Variants in VSIG10L observed in about 807,000 individuals in gnomAD.
VSIG10L encodes V-set and immunoglobulin domain-containing protein 10-like.
VSIG10L carries 63 observed loss-of-function variants against 67.3 expected under a neutral mutation model. The ratio of observed to expected loss-of-function variants is 0.94; its 90% CI spans 0.76 to 1.15. The LOEUF (loss-of-function observed/expected upper bound fraction) is 1.15. VSIG10L is among the 50% of genes most tolerant of loss of function. VSIG10L has a pLI of 0.00. For synonymous variants in VSIG10L, 499 were observed against 524.9 expected, an observed-to-expected ratio of 0.95 and a Z score of 0.67; for missense variants, 1,050 against 1,177.5, an observed-to-expected ratio of 0.89 and a Z score of 1.58.
chr19:51,340,179 T>G lies in VSIG10L; in HGVS notation c.1310A>C (p.Asp437Ala). The change falls in exon 4 of 10, where the codon GAC becomes GCC. Residue 437 changes from aspartate to alanine, a missense_variant. Coordinates refer to ENST00000335624, the MANE Select transcript of VSIG10L (RefSeq NM_001163922.3). The surrounding 1 kb of genome is among the most constrained non-coding windows in gnomAD (Gnocchi z 6.3). ...CGGGTCCGCCAGGCTCCACGTGATG[T>G]CGGCGGGCGGCCGCGAGGCGGCGGC... ...RCAAASRPPA[D>A]ITWSLADPAE... The G allele has an allele frequency of 7.0e-7, 1 of 1,438,682 alleles. No homozygotes were observed. Among genetic ancestry groups the G allele is most frequent in the Non-Finnish European group, 9.1e-7 (1 of 1,101,448 alleles). 89.1% of individuals were successfully genotyped at this position (1,438,682 alleles called of 1,614,324 possible).
In VSIG10L at chr19:51,340,512, G is replaced by A; in HGVS notation, c.1110C>T (p.Arg370=). The part of the protein sequence containing the change: ...GDQLLIVRPV[R]SDHARYTCRV... ...GGCAAGTGTACCGGGCGTGGTCGCT[G>A]CGCACAGGGCGCACGATGAGCAGCT... The change falls in exon 3 of 10, where the codon CGC becomes CGT. Residue 370 remains arginine, a synonymous_variant. Transcript: ENST00000335624. This position sits in a 1 kb window ranked among gnomAD's most constrained non-coding sequence, Gnocchi z 6.3. The A allele has an allele frequency of 6.5e-7, 1 of 1,532,288 alleles. No homozygotes were observed. Among genetic ancestry groups the A allele is most frequent in the Non-Finnish European group, 8.7e-7 (1 of 1,143,770 alleles). The allele number at this position is 1,532,288 out of a possible 1,614,324, so 94.9% of individuals were successfully genotyped here. A position where few individuals can be genotyped will look rare whatever the true frequency, so the allele number is the denominator to read the frequency against.
chr19:51,334,345 C>T (rs1985433126), intron 7 of VSIG10L, 41 bp from the exon 8 acceptor site: 1 of 1,532,894 alleles, frequency 6.5e-7, no homozygotes, highest in African/African-American at 1.4e-5. Flanking sequence ...GGAACAGGAA[C>T]CAAGGTTGGA....
At chr19:51,336,868 G>A (rs1985493474) in intron 7 of VSIG10L, among the ~76,000 whole-genome samples, 1 of 149,784 alleles carries the variant, frequency 6.7e-6, no homozygotes, top group East Asian at 2.0e-4. Flanking sequence ...CCGGGTTCGC[G>A]CCATTCTCCT....
chr19:51,340,984 C>T lies in VSIG10L; in HGVS notation c.895+169G>A, dbSNP rs1599835283. ...CTCCCAGGAGTCTCCATCCCAGGTC[C>T]ACCTTTGCTCAGACACCCCTGCCTT... On this transcript the variant is annotated intron_variant, in intron 2 of 9. Transcript: ENST00000335624. This position sits in a 1 kb window ranked among gnomAD's most constrained non-coding sequence, Gnocchi z 6.3. 1.8e-6 allele frequency: 2 copies of T among 1,089,944 alleles called. No homozygotes were observed. The highest frequency in any genetic ancestry group is 2.5e-6 in the Non-Finnish European group (2 of 811,188). 67.5% of individuals were successfully genotyped at this position (1,089,944 alleles called of 1,614,324 possible). A position where few individuals can be genotyped will look rare whatever the true frequency, so the allele number is the denominator to read the frequency against.
rs1180285704 is a variant in VSIG10L, at chr19:51,338,061, C to G, written c.1877G>C (p.Ser626Thr). ...EGRPLAPGGGSRLRLSQDGRK... is the reference protein window; with the variant it reads ...EGRPLAPGGGTRLRLSQDGRK... ...CCCATCTTGACTGAGCCGCAGGCGACTCCCGCCTCCTGGAGCCAGGGGCCT... is the reference window on the plus strand; with the variant it reads ...CCCATCTTGACTGAGCCGCAGGCGAGTCCCGCCTCCTGGAGCCAGGGGCCT... The change falls in exon 6 of 10, where the codon AGT (serine) becomes ACT (threonine). Residue 626 changes from serine (S) to threonine (T), a missense_variant. Transcript: ENST00000335624. The G allele has an allele frequency of 1.9e-6, 3 of 1,551,642 alleles. No individual in the cohort carries two copies. The highest frequency in any genetic ancestry group is 2.6e-6 in the Non-Finnish European group (3 of 1,146,980).
chr19:51,337,585 A>G, intron 6 of VSIG10L, 51 bp from the exon 7 acceptor site: 1 of 955,372 alleles, frequency 1.0e-6, no homozygotes, highest in Non-Finnish European at 1.4e-6. Context: ...GGGGAGAGGG[A>G]AGGGGGCTGG....
At chr19:51,336,956 C>T (rs1985496959) in intron 7 of VSIG10L, among the ~76,000 whole-genome samples, 3 of 151,984 alleles carry the variant, frequency 2.0e-5, no homozygotes, top group South Asian at 4.1e-4. Context: ...TTAGTAGAGA[C>T]GGGGTTTCAC....
Position 51,340,753 on chromosome 19 carries a change from C to T in VSIG10L, c.896-27G>A. The T allele has an allele frequency of 6.9e-7, 1 of 1,452,906 alleles. No individual in the cohort carries two copies. Among genetic ancestry groups the T allele is most frequent in the Non-Finnish European group, 9.0e-7 (1 of 1,105,962 alleles). 90.0% of individuals were successfully genotyped at this position (1,452,906 alleles called of 1,614,324 possible). On this transcript the variant is annotated intron_variant, in intron 2 of 9. Coordinates refer to ENST00000335624, the MANE Select transcript of VSIG10L (RefSeq NM_001163922.3). This position sits in a 1 kb window ranked among gnomAD's most constrained non-coding sequence, Gnocchi z 6.3. Reference sequence around the variant, plus strand: ...TGGGAGAGGGAGAATGGGCTCAGGACCCACCCAGTCCTGGAGCCCATCTTT... The same window carrying T: ...TGGGAGAGGGAGAATGGGCTCAGGATCCACCCAGTCCTGGAGCCCATCTTT...
At chr19:51,339,388 C>T (rs1985568249) in intron 4 of VSIG10L, among the ~76,000 whole-genome samples, 1 of 152,266 alleles carries the variant, frequency 6.6e-6, no homozygotes, top group East Asian at 1.9e-4. Context: ...TATTTCTCTT[C>T]CCAAACGTAA....
chr19:51,341,069 C>A, intron 2 of VSIG10L, 84 bp downstream of exon 2: 3 of 1,432,070 alleles, frequency 2.1e-6, no homozygotes, highest in Non-Finnish European at 2.8e-6. Flanking sequence ...TATCCAGGGA[C>A]CCCACAGCAC....
At chr19:51,339,236 A>G (rs1370591289) in intron 4 of VSIG10L, 94 bp from the exon 5 acceptor site, 7 of 1,225,878 alleles carry the variant, frequency 5.7e-6, no homozygotes, top group Middle Eastern at 6.3e-4. Flanking sequence ...CTTCTTCACT[A>G]GCCCCACCCC....
In VSIG10L at chr19:51,338,274, A is replaced by G. The variant is rs538744025; in HGVS notation, c.1730-66T>C. On this transcript the variant is annotated intron_variant, in intron 5 of 9. Transcript: ENST00000335624. The stretch of plus-strand genomic sequence containing the variant: ...ACCTTGGATTCAAAGAACAGATCCT[A>G]TGCCCTACTTTAAATCAGATGGTGG... 448 of 1,428,884 alleles carry G rather than the reference A, an allele frequency of 3.1e-4. 1 individual carries two copies. The highest frequency in any genetic ancestry group is 3.9e-4 in the Non-Finnish European group (422 of 1,089,170). 88.5% of individuals were successfully genotyped at this position (1,428,884 alleles called of 1,614,324 possible). A position where few individuals can be genotyped will look rare whatever the true frequency, so the allele number is the denominator to read the frequency against.
At position 51,333,819 on chromosome 19, in the gene VSIG10L, T is replaced by C. The variant is rs1350182344; in HGVS notation, c.2546A>G (p.Glu849Gly). ...GTAGGCCCTAGTTGAGCTGTGGTCC[T>C]CCAGAGGGACTTTGAGGTCCAGAGG... Reference protein sequence around the residue: ...SWPLDLKVPLEDHSSTRAYQA... With the variant: ...SWPLDLKVPLGDHSSTRAYQA... The change falls in exon 9 of 10, where the codon GAG (glutamate) becomes GGG (glycine). Residue 849 changes from glutamate (E) to glycine (G), a missense_variant. Physicochemically the swap from Glu to Gly is moderately conservative, Grantham distance 98. Around this residue, in one of 3 missense-constraint regions of VSIG10L, gnomAD observed 529 missense variants for 584.9 expected, o/e 0.90. Coordinates refer to ENST00000335624, the MANE Select transcript of VSIG10L (RefSeq NM_001163922.3). 8 of 1,551,240 alleles carry C rather than the reference T, an allele frequency of 5.2e-6. No individual in the cohort carries two copies. The East Asian group carries it at 2.0e-4, about 38-fold the overall frequency.
At chr19:51,335,053 G>T (rs1985449744) in intron 7 of VSIG10L, among the ~76,000 whole-genome samples, 1 of 152,224 alleles carries the variant, frequency 6.6e-6, no homozygotes, top group Non-Finnish European at 1.5e-5. Context: ...ACAGAGACTT[G>T]AAGAATAAAG....
In VSIG10L at chr19:51,334,251, C is replaced by T; in HGVS notation, c.2359G>A (p.Gly787Ser). The T allele has an allele frequency of 1.3e-6, 2 of 1,551,750 alleles. No individual in the cohort carries two copies. Among genetic ancestry groups the T allele is most frequent in the Non-Finnish European group, 1.7e-6 (2 of 1,147,014 alleles). ...AGAAGTACGGCTAGCAGCGCCAGGC[C>T]CAGCAGGGAGCCCAGGACGATGCCA... ...IAGIVLGSLL[G>S]LALLAVLLLL... The change falls in exon 8 of 10, where the codon GGC (glycine) becomes AGC (serine). Residue 787 changes from glycine to serine, a missense_variant. Gly to Ser is a moderately conservative substitution (Grantham distance 56). Around this residue, in one of 3 missense-constraint regions of VSIG10L, gnomAD observed 529 missense variants for 584.9 expected, o/e 0.90. Coordinates refer to ENST00000335624, the MANE Select transcript of VSIG10L (RefSeq NM_001163922.3).
rs1985508543 is a variant in VSIG10L, at chr19:51,337,356, C to T, written c.2187G>A (p.Gln729=). The change falls in exon 7 of 10, where the codon CAG becomes CAA. Residue 729 remains glutamine (Q), a synonymous_variant. Coordinates refer to ENST00000335624, the MANE Select transcript of VSIG10L (RefSeq NM_001163922.3). ...DWVSLLILGP[Q]ERSAVVPLPP... ...GAAGGGGCACCACGGCTGACCGCTC[C>T]TGAGGCCCCAGGATGAGCAGGGAGA... The T allele has an allele frequency of 1.3e-6, 2 of 1,551,620 alleles. No homozygotes were observed. Among genetic ancestry groups the T allele is most frequent in the Admixed American group, 2.0e-5 (1 of 51,010 alleles).
intron 9 of VSIG10L, 54 bp downstream of exon 9, chr19:51,333,737 A>T: frequency 1.3e-6 from 2 of 1,484,766 alleles, no homozygotes; most frequent in South Asian, 2.7e-5. Flanking sequence ...CCCTGACTGT[A>T]ATACAAGAAG....
Position 51,339,091 on chromosome 19 carries a change from C to T in VSIG10L, c.1526G>A (p.Arg509His). ...CCACGAGCAGCGGAAGCGGAGGCTGCGGTCCCCGGGACCCCCTTCAACTGA... is the reference window on the plus strand; with the variant it reads ...CCACGAGCAGCGGAAGCGGAGGCTGTGGTCCCCGGGACCCCCTTCAACTGA... Reference protein sequence around the residue: ...QCSVEGGPGDRSLRFRCSWPG... With the variant: ...QCSVEGGPGDHSLRFRCSWPG... The change falls in exon 5 of 10, where the codon CGC becomes CAC. Residue 509 changes from arginine to histidine, a missense_variant. Around this residue, in one of 3 missense-constraint regions of VSIG10L, gnomAD observed 529 missense variants for 584.9 expected, o/e 0.90. Transcript: ENST00000335624. The T allele has an allele frequency of 7.4e-7, 1 of 1,342,314 alleles. No individual in the cohort carries two copies. 83.2% of individuals were successfully genotyped at this position (1,342,314 alleles called of 1,614,324 possible).
intron 9 of VSIG10L, among the ~76,000 whole-genome samples, chr19:51,333,520 C>T (rs1365649830): frequency 6.7e-6 from 1 of 148,260 alleles, no homozygotes; most frequent in African/African-American, 2.5e-5. Context: ...CAAAGTGAGA[C>T]TCTGTCTCCA....
Sources: allele counts gnomAD v4.1 joint callset (sites outside exome capture counted in the v4.1 genomes callset), GRCh38; gene constraint gnomAD v4.1.1; regional missense constraint gnomAD v4.1.1; non-coding constraint Gnocchi (gnomAD v3.1); transcripts MANE v1.5; gene names NCBI Gene and HGNC (gene_info 2026-07-23, HGNC 2026-07-21).